RORA: variants seen among roughly 807,000 people sequenced by gnomAD.
RORA encodes RAR related orphan receptor A.
In RORA, 7 loss-of-function variants were observed where a neutral mutation model predicts 69.5. The ratio of observed to expected loss-of-function variants is 0.10; its 90% CI spans 0.06 to 0.19. The LOEUF (loss-of-function observed/expected upper bound fraction) is 0.19, where lower values mean the gene tolerates loss of function less well. Among genes scored for constraint, RORA ranks in the 10% least tolerant of loss-of-function variants. RORA has a pLI of 1.00. For synonymous variants in RORA, 261 were observed against 240.8 expected (o/e 1.08, Z -0.78); for missense variants, 457 against 663.0 (o/e 0.69, Z 3.41).
At chr15:60,661,198 T>G (rs1304478489) in intron 2 of RORA, among the ~76,000 whole-genome samples, 1 of 152,156 alleles carries the variant, frequency 6.6e-6, no homozygotes, top group African/African-American at 2.4e-5. Flanking sequence ...CACTGTAATT[T>G]GTACTAACTA....
intron 2 of RORA, chr15:60,677,260 C>T (rs1405247014): frequency 4.5e-6 from 2 of 449,146 alleles, no homozygotes; most frequent in Admixed American, 4.7e-5. Context: ...ACTTCAGTCT[C>T]CTGCACTGTC....
rs970216595 is a variant in RORA at position 60,922,229 on chromosome 15, G to C, written c.167-243543C>G. Among the ~76,000 whole-genome samples the C allele has an allele frequency of 2.0e-5, 3 of 152,176 alleles. No homozygotes were observed. In the East Asian group the frequency reaches 5.8e-4, roughly 29 times the overall value. On this transcript the variant is annotated intron_variant, in intron 1 of 10. Transcript: ENST00000335670. ...ATTTTGAGGGCAGTGAAACTGTTCT[G>C]TATAATACTATCATGGTAGATACAT...
chr15:61,151,210 T>G (rs763852944), intron 1 of RORA, among the ~76,000 whole-genome samples: 3 of 152,202 alleles, frequency 2.0e-5, no homozygotes, highest in African/African-American at 2.4e-5. Context: ...CCAAGCCTGA[T>G]GTTATGAGAA....
chr15:60,733,938 G>GAC (rs1160802875), intron 1 of RORA, among the ~76,000 whole-genome samples: 2 of 151,224 alleles, frequency 1.3e-5, no homozygotes, highest in African/African-American at 4.9e-5. Context: ...GAGAGAGAGA[G>GAC]AGAGAGAGAG....
intron 1 of RORA, among the ~76,000 whole-genome samples, chr15:60,798,215 C>G (rs1336071525): frequency 7.5e-6 from 1 of 132,552 alleles, no homozygotes; most frequent in East Asian, 2.3e-4. Flanking sequence ...CTTCATTTCC[C>G]CAACAGACAC....
intron 2 of RORA, among the ~76,000 whole-genome samples, chr15:60,557,798 TAGTA>T (rs1302197962): frequency 1.3e-5 from 2 of 152,342 alleles, no homozygotes; most frequent in South Asian, 2.1e-4. Context: ...ATTAGAGCTT[TAGTA>T]AGTAATTGGG....
chr15:60,662,827 T>C (rs1461132721), intron 2 of RORA, among the ~76,000 whole-genome samples: 1 of 152,224 alleles, frequency 6.6e-6, no homozygotes, highest in Non-Finnish European at 1.5e-5. Context: ...TAGTGGATGC[T>C]GTGGTGTGCT....
chr15:61,053,441 AGAGAAAGCTCAGC>A (rs1272674364), intron 1 of RORA, among the ~76,000 whole-genome samples: 2 of 152,134 alleles, frequency 1.3e-5, no homozygotes, highest in Non-Finnish European at 1.5e-5. Context: ...CTTGGGCAGC[AGAGAAAGCTCAGC>A]GAGAAGGCAC....
At chr15:60,884,753 T>C (rs779483224) in intron 1 of RORA, among the ~76,000 whole-genome samples, 7 of 152,200 alleles carry the variant, frequency 4.6e-5, no homozygotes, top group Admixed American at 1.3e-4. Flanking sequence ...TCCCAAAATT[T>C]TGAGACAGTA....
chr15:60,911,089 TTTTTTTTTTTTTTTTTTG>T (rs1331475535), intron 1 of RORA, among the ~76,000 whole-genome samples: 4 of 54,418 alleles, frequency 7.4e-5, no homozygotes, highest in Non-Finnish European at 1.2e-4. Flanking sequence ...TTTTTTTTTT[TTTTTTTTTTTTTTTTTTG>T]TATTTTTAGT....
chr15:60,839,522 T>C (rs536167944), intron 1 of RORA, among the ~76,000 whole-genome samples: 2 of 152,234 alleles, frequency 1.3e-5, no homozygotes, highest in Non-Finnish European at 2.9e-5. Context: ...AGCATATTGA[T>C]AGTCTAGCTC....
intron 2 of RORA, among the ~76,000 whole-genome samples, chr15:60,670,688 A>G (rs1435676533): frequency 6.6e-6 from 1 of 152,214 alleles, no homozygotes; most frequent in Non-Finnish European, 1.5e-5. Flanking sequence ...TTCCATTGCA[A>G]GGGATTTTGG....
At chr15:61,066,191 A>C (rs2078254990) in intron 1 of RORA, among the ~76,000 whole-genome samples, 1 of 152,174 alleles carries the variant, frequency 6.6e-6, no homozygotes, top group Admixed American at 6.5e-5. Context: ...ACTTTTAACA[A>C]ACACAGCCTA....
chr15:60,534,490 CA>C lies in RORA; in HGVS notation c.197-2640del, dbSNP rs1047397815. On this transcript the variant is annotated intron_variant, in intron 2 of 10. Transcript: ENST00000335670. The surrounding 1 kb of genome is among the most constrained non-coding windows in gnomAD (Gnocchi z 5.0). ...CTGTAGATTGACTTGTATTTCCAAA[CA>C]GGGGGGCCATTCACTTAGATCTTTG... 1.3e-5 allele frequency among the ~76,000 whole-genome samples: 2 copies of C among 151,968 alleles called. No homozygotes were observed. Among genetic ancestry groups the C allele is most frequent in the African/African-American group, 4.8e-5 (2 of 41,318 alleles).
rs542365286 is a variant in RORA, at chr15:60,729,065, A to C, written c.167-50379T>G. Among the ~76,000 whole-genome samples the C allele has an allele frequency of 5.3e-5, 8 of 152,334 alleles. 1 individual carries two copies. The South Asian group carries it at 1.7e-3, about 32-fold the overall frequency. On this transcript the variant is annotated intron_variant, in intron 1 of 10. Coordinates refer to ENST00000335670, the MANE Select transcript of RORA (RefSeq NM_134261.3). ...TAGGTGTAATTACCACTAGCAGGAC[A>C]GGAGCTGGAAGCCAATAGGAAAGGC...
chr15:60,717,796 C>CTTTTTTTTTTTTTTTTTTTTTTTTT (rs10653856), intron 1 of RORA, among the ~76,000 whole-genome samples: 1 of 91,970 alleles, frequency 1.1e-5, no homozygotes, highest in African/African-American at 4.2e-5. Flanking sequence ...TTCTTTTTCT[C>CTTTTTTTTTTTTTTTTTTTTTTTTT]TTTTTTTTTT....
chr15:60,794,669 A>G (rs1443103089), intron 1 of RORA, among the ~76,000 whole-genome samples: 1 of 152,212 alleles, frequency 6.6e-6, no homozygotes, highest in East Asian at 1.9e-4. Flanking sequence ...AATCCAATAC[A>G]TGTTCAAAAT....
At chr15:60,937,508 A>G (rs759860028) in intron 1 of RORA, among the ~76,000 whole-genome samples, 8 of 152,224 alleles carry the variant, frequency 5.3e-5, no homozygotes, top group Non-Finnish European at 1.2e-4. Context: ...GGGTGAGATC[A>G]TTCAGTTCAA....
intron 1 of RORA, among the ~76,000 whole-genome samples, chr15:61,035,406 A>G (rs376255723): frequency 6.6e-6 from 1 of 152,348 alleles, no homozygotes; most frequent in East Asian, 1.9e-4. Context: ...ATCTAACGAC[A>G]ATAAAGAACT....
Sources: gnomAD v4.1 joint callset for allele counts (sites outside exome capture counted in the v4.1 genomes callset) on GRCh38, gnomAD v4.1.1 for gene constraint, Gnocchi (gnomAD v3.1) non-coding constraint, MANE v1.5 for transcripts, NCBI Gene and HGNC (gene_info 2026-07-23, HGNC 2026-07-21) for gene names.